Variants in DEK observed in about 807,000 individuals in gnomAD.
DEK encodes protein DEK.
Under a neutral mutation model 46.8 loss-of-function variants are expected in DEK, and 28 were observed. That is an observed-to-expected ratio of 0.60 (90% CI 0.44 to 0.82). The LOEUF is 0.82. Ranked by LOEUF, DEK falls within the 40% of genes least tolerant of loss-of-function variation. DEK has a pLI of 0.00. For synonymous variants in DEK, 160 were observed against 144.5 expected (o/e 1.11, Z -0.77); for missense variants, 416 against 430.6 (o/e 0.97, Z 0.30).
rs756326471 is a variant in DEK at position 18,263,988 on chromosome 6, G to T, written c.-1C>A. On this transcript the variant is annotated 5_prime_UTR_variant, in exon 2 of 11. Coordinates refer to ENST00000652689, the MANE Select transcript of DEK (RefSeq NM_003472.4). ...CCGCAGCAGGGGCCGAGGCGGACATGCTGTGAACCTGCATGCGGGAAGAAA... is the reference window on the plus strand; with the variant it reads ...CCGCAGCAGGGGCCGAGGCGGACATTCTGTGAACCTGCATGCGGGAAGAAA... 2 of 1,601,084 alleles carry T rather than the reference G, an allele frequency of 1.2e-6. No homozygotes were observed. Among genetic ancestry groups the T allele is most frequent in the Non-Finnish European group, 1.7e-6 (2 of 1,174,650 alleles).
At chr6:18,246,685 T>A (rs1410162862) in intron 7 of DEK, among the ~76,000 whole-genome samples, 3 of 152,212 alleles carry the variant, frequency 2.0e-5, no homozygotes, top group Non-Finnish European at 4.4e-5. Flanking sequence ...CAATTTAACC[T>A]CATATAATTA....
intron 4 of DEK, among the ~76,000 whole-genome samples, chr6:18,257,203 G>A (rs1289532065): frequency 6.6e-6 from 1 of 152,142 alleles, no homozygotes. Flanking sequence ...ATTTGTATGA[G>A]ATACAAATGA....
intron 3 of DEK, 85 bp downstream of exon 3, chr6:18,258,219 C>T (rs1380118828): frequency 1.6e-6 from 2 of 1,225,816 alleles, no homozygotes; most frequent in Non-Finnish European, 2.3e-6. Flanking sequence ...AAAACACTAC[C>T]TTGCTGATAC....
intron 7 of DEK, among the ~76,000 whole-genome samples, chr6:18,245,269 G>A (rs1328684554): frequency 6.6e-6 from 1 of 152,198 alleles, no homozygotes; most frequent in African/African-American, 2.4e-5. Context: ...GAAGTTAATT[G>A]CCATATACTA....
intron 9 of DEK, among the ~76,000 whole-genome samples, chr6:18,232,751 T>G (rs1435111448): frequency 6.6e-6 from 1 of 152,300 alleles, no homozygotes; most frequent in East Asian, 1.9e-4. Context: ...GCTCAAGGAT[T>G]GGAAGAATCA....
At chr6:18,236,631 TTACA>T in intron 8 of DEK, 31 bp from the exon 9 acceptor site, 1 of 1,334,916 alleles carries the variant, frequency 7.5e-7, no homozygotes, top group Non-Finnish European at 9.9e-7. Context: ...ATAATTTTTC[TTACA>T]TAGTAAATTA....
chr6:18,236,732 T>C (rs940175404), intron 8 of DEK, 132 bp from the exon 9 acceptor site: 1 of 550,624 alleles, frequency 1.8e-6, no homozygotes, highest in Admixed American at 4.0e-5. Flanking sequence ...ATCACTACTC[T>C]ACAGTTACCT....
intron 6 of DEK, among the ~76,000 whole-genome samples, chr6:18,250,087 G>A (rs1703934263): frequency 6.6e-6 from 1 of 152,164 alleles, no homozygotes; most frequent in Admixed American, 6.5e-5. Context: ...TCTAGGTTCT[G>A]ACATGGGACT....
In DEK at chr6:18,231,782, C is replaced by T. The variant is rs538925416; in HGVS notation, c.1047+4670G>A. ...GGATTCACAGCTGAATTCTACCAGA[C>T]GTACAAGGAGGAACTGATACCATTA... On this transcript the variant is annotated intron_variant, in intron 9 of 10. Coordinates refer to ENST00000652689, the MANE Select transcript of DEK (RefSeq NM_003472.4). Among the ~76,000 whole-genome samples, 33 of 152,222 alleles carry T rather than the reference C, an allele frequency of 2.2e-4. No homozygotes were observed. In the South Asian group the frequency reaches 4.8e-3, roughly 22 times the overall value.
chr6:18,251,009 T>G (rs376370817), intron 6 of DEK, among the ~76,000 whole-genome samples: 1 of 152,174 alleles, frequency 6.6e-6, no homozygotes, highest in African/African-American at 2.4e-5. Context: ...ACCATGTATA[T>G]TAAAAGCAGA....
At chr6:18,232,108 A>G (rs1398820315) in intron 9 of DEK, among the ~76,000 whole-genome samples, 1 of 152,232 alleles carries the variant, frequency 6.6e-6, no homozygotes, top group Admixed American at 6.5e-5. Flanking sequence ...AACCAAAGAC[A>G]AAAACCACAA....
intron 6 of DEK, among the ~76,000 whole-genome samples, chr6:18,252,482 C>T (rs1355535868): frequency 1.8e-5 from 2 of 111,050 alleles, no homozygotes; most frequent in African/African-American, 7.3e-5. Flanking sequence ...ACACTCCAGT[C>T]TAGGCAACAG....
intron 7 of DEK, among the ~76,000 whole-genome samples, chr6:18,245,715 G>A (rs941128622): frequency 5.9e-5 from 9 of 152,196 alleles, no homozygotes; most frequent in South Asian, 2.1e-4. Context: ...TAACACCTGT[G>A]AATAGCATGA....
At chr6:18,226,953 A>T (rs1387211822) in intron 9 of DEK, among the ~76,000 whole-genome samples, 2 of 152,184 alleles carry the variant, frequency 1.3e-5, no homozygotes, top group Non-Finnish European at 2.9e-5. Context: ...GTGCTTTGTT[A>T]AACAGATGCT....
intron 2 of DEK, among the ~76,000 whole-genome samples, chr6:18,259,031 T>A (rs578048190): frequency 7.0e-4 from 106 of 152,154 alleles, no homozygotes; most frequent in Non-Finnish European, 1.3e-3. Flanking sequence ...GTTAAATTGT[T>A]TAGTCACAAA....
At chr6:18,233,223 C>T (rs1039638240) in intron 9 of DEK, among the ~76,000 whole-genome samples, 1 of 151,712 alleles carries the variant, frequency 6.6e-6, no homozygotes, top group African/African-American at 2.4e-5. Flanking sequence ...AAGACTTAAA[C>T]ATTAGACCTA....
At chr6:18,260,765 C>G (rs933223334) in intron 2 of DEK, among the ~76,000 whole-genome samples, 2 of 152,058 alleles carry the variant, frequency 1.3e-5, no homozygotes, top group Non-Finnish European at 2.9e-5. Context: ...CTTTGGGAGG[C>G]AGAGACGGGC....
chr6:18,263,773 T>C, intron 2 of DEK, 70 bp downstream of exon 2: 1 of 1,609,586 alleles, frequency 6.2e-7, no homozygotes, highest in Admixed American at 1.7e-5. Flanking sequence ...AAGAAAACTG[T>C]TTCCTGGGTG....
intron 2 of DEK, among the ~76,000 whole-genome samples, chr6:18,262,989 C>A (rs1351878125): frequency 6.6e-6 from 1 of 151,862 alleles, no homozygotes; most frequent in Non-Finnish European, 1.5e-5. Context: ...GTGGCTGAGT[C>A]GTAAACATAT....
Sources: allele counts gnomAD v4.1 joint callset (sites outside exome capture counted in the v4.1 genomes callset), GRCh38; gene constraint gnomAD v4.1.1; transcripts MANE v1.5; gene names NCBI Gene and HGNC (gene_info 2026-07-23, HGNC 2026-07-21).